Variants in DGKD observed in about 807,000 individuals in gnomAD.
DGKD encodes the protein DAG kinase delta.
Under a neutral mutation model 154.4 loss-of-function variants are expected in DGKD, and 68 were observed. The ratio of observed to expected loss-of-function variants is 0.44; its 90% CI spans 0.36 to 0.54. The LOEUF (loss-of-function observed/expected upper bound fraction) is 0.54. Among genes scored for constraint, DGKD ranks in the 20% least tolerant of loss-of-function variants. The probability of loss-of-function intolerance (pLI) is 0.00; values close to 1 mark genes in which losing one functional copy is unlikely to be tolerated. For missense variants in DGKD, 1,343 were observed against 1,593.6 expected (o/e 0.84, Z 2.68); for synonymous variants, 693 against 638.0 (o/e 1.09, Z -1.30).
chr2:233,423,274 A>G (rs572228058), intron 3 of DGKD, among the ~76,000 whole-genome samples: 1 of 152,310 alleles, frequency 6.6e-6, no homozygotes, highest in South Asian at 2.1e-4. Flanking sequence ...TAAATGCTGA[A>G]GAGTGTAATT....
chr2:233,468,092 C>T (rs944254951), intron 28 of DGKD, among the ~76,000 whole-genome samples: 2 of 152,160 alleles, frequency 1.3e-5, no homozygotes, highest in South Asian at 4.2e-4. Context: ...GATGCCAGCT[C>T]TGCTGCAGCC....
At chr2:233,466,793 T>C (rs941817693) in intron 27 of DGKD, among the ~76,000 whole-genome samples, 10 of 152,242 alleles carry the variant, frequency 6.6e-5, no homozygotes, top group African/African-American at 2.2e-4. Context: ...CTGATATTTA[T>C]GATATTTTCA....
intron 3 of DGKD, among the ~76,000 whole-genome samples, chr2:233,428,528 G>T (rs1034113451): frequency 6.6e-6 from 1 of 152,202 alleles, no homozygotes; most frequent in Non-Finnish European, 1.5e-5. Flanking sequence ...ACATTATCAG[G>T]TTGCACCAAC....
chr2:233,451,220 T>TA (rs1342212890), intron 17 of DGKD, among the ~76,000 whole-genome samples, 170 bp downstream of exon 17: 7 of 146,256 alleles, frequency 4.8e-5, no homozygotes, highest in African/African-American at 1.9e-4. Flanking sequence ...TTTTTTTTTT[T>TA]AAAAACAAAA....
At chr2:233,398,128 T>C (rs999238757) in intron 3 of DGKD, among the ~76,000 whole-genome samples, 3 of 126,816 alleles carry the variant, frequency 2.4e-5, no homozygotes, top group African/African-American at 6.1e-5. Flanking sequence ...TCCTGGCTTA[T>C]TCTTGTTTGA....
At position 233,446,652 on chromosome 2, in the gene DGKD, G is replaced by A; in HGVS notation, c.1335-60G>A. ...GCCAGCCGTGAAAGCGGACGGCGCA[G>A]GGTTCACCCTTGTGGGCCTGCACGT... On this transcript the variant is annotated intron_variant, in intron 11 of 29. Transcript: ENST00000264057. The A allele has an allele frequency of 2.5e-6, 4 of 1,568,928 alleles. No homozygotes were observed. In the African/African-American group the frequency reaches 5.4e-5, roughly 21 times the overall value.
At chr2:233,412,239 G>A (rs879760877) in intron 3 of DGKD, among the ~76,000 whole-genome samples, 5 of 152,146 alleles carry the variant, frequency 3.3e-5, no homozygotes, top group Admixed American at 2.0e-4. Flanking sequence ...ATGATGTTGA[G>A]TTTTCCAGTA....
rs535245656 is a variant in DGKD, at chr2:233,421,902, A to G, written c.349-12478A>G. Among the ~76,000 whole-genome samples, 5 of 152,366 alleles carry G rather than the reference A, an allele frequency of 3.3e-5. No homozygotes were observed. In the South Asian group the frequency reaches 8.3e-4, roughly 25 times the overall value. On this transcript the variant is annotated intron_variant, in intron 3 of 29. Transcript: ENST00000264057. ...GCCTGAATTTATTTCTGAGGAAGAA[A>G]GAAAGAATTTGGAGCCCAATGATGA...
At chr2:233,403,810 T>C in intron 3 of DGKD, among the ~76,000 whole-genome samples, 1 of 151,926 alleles carries the variant, frequency 6.6e-6, no homozygotes. Flanking sequence ...CAGCTAATTT[T>C]TTTGTATTTT....
Position 233,398,173 on chromosome 2 carries a change from C to T in DGKD, c.348+7690C>T, listed in dbSNP as rs13406449. Among the ~76,000 whole-genome samples the T allele has an allele frequency of 4.7e-3, 672 of 142,714 alleles. 4 individuals carry two copies. Among genetic ancestry groups the T allele is most frequent in the African/African-American group, 0.016 (628 of 38,216 alleles). 93.6% of individuals were successfully genotyped at this position (142,714 alleles called of 152,430 possible). ...TTTTTTTTTTTTTGAGATGGAGTCTCGCTCTGTTGCCCAGGCTGGAGTGCA... is the reference window on the plus strand; with the variant it reads ...TTTTTTTTTTTTTGAGATGGAGTCTTGCTCTGTTGCCCAGGCTGGAGTGCA... On this transcript the variant is annotated intron_variant, in intron 3 of 29. Transcript: ENST00000264057.
chr2:233,375,508 A>C (rs1466954255), intron 1 of DGKD, among the ~76,000 whole-genome samples: 1 of 152,130 alleles, frequency 6.6e-6, no homozygotes, highest in Non-Finnish European at 1.5e-5. Context: ...GGTTGAGCAC[A>C]TGCCAGGGGA....
At chr2:233,439,699 C>T (rs1490455940) in intron 9 of DGKD, among the ~76,000 whole-genome samples, 1 of 152,052 alleles carries the variant, frequency 6.6e-6, no homozygotes, top group East Asian at 1.9e-4. Flanking sequence ...GTAGCTGGGA[C>T]TACAGGTGTG....
At position 233,468,548 on chromosome 2, in the gene DGKD, C is replaced by T. The variant is rs761418197; in HGVS notation, c.3550C>T (p.Leu1184Phe). 1 of 1,613,632 alleles carries T rather than the reference C, an allele frequency of 6.2e-7. No homozygotes were observed. The highest frequency in any genetic ancestry group is 1.1e-5 in the South Asian group (1 of 91,052). Residue 1184 changes from leucine to phenylalanine, a missense_variant, in exon 29 of 30, where the codon CTC becomes TTC. Transcript: ENST00000264057. ...GCTCCTGCACCTGGAGCGGAGGGAC[C>T]TCAAGGTACTTCCATAGGCGTCTCC... ...SELLHLERRD[L>F]KDLGVTKVGH...
Position 233,459,540 on chromosome 2 carries a change from G to A in DGKD, c.2695-217G>A, listed in dbSNP as rs1003856030. 1.3e-5 allele frequency among the ~76,000 whole-genome samples: 2 copies of A among 151,940 alleles called. No homozygotes were observed. Among genetic ancestry groups the A allele is most frequent in the South Asian group, 4.2e-4 (2 of 4,814 alleles). ...TGACTGCTCAGTGAGGGGATGGGGC[G>A]GGATGGGGCGGGACAGTGGGAGAAC... On this transcript the variant is annotated intron_variant, in intron 22 of 29. Transcript: ENST00000264057. The surrounding 1 kb of genome is among the most constrained non-coding windows in gnomAD (Gnocchi z 5.7).
intron 17 of DGKD, 34 bp from the exon 18 acceptor site, chr2:233,451,930 C>T: frequency 1.3e-6 from 2 of 1,597,338 alleles, no homozygotes; most frequent in Non-Finnish European, 1.7e-6. Context: ...TAGCTCCTGA[C>T]CAGCACCACC....
At chr2:233,401,973 C>T (rs2061571343) in intron 3 of DGKD, among the ~76,000 whole-genome samples, 1 of 148,012 alleles carries the variant, frequency 6.8e-6, no homozygotes, top group Admixed American at 6.8e-5. Flanking sequence ...CATCGAGGGG[C>T]CCCTCGTTTC....
At chr2:233,408,339 A>C (rs2061737655) in intron 3 of DGKD, among the ~76,000 whole-genome samples, 1 of 152,210 alleles carries the variant, frequency 6.6e-6, no homozygotes, top group Admixed American at 6.5e-5. Context: ...CATCCAGAGA[A>C]ACTGTATATA....
chr2:233,374,163 G>A (rs1311007231), intron 1 of DGKD, among the ~76,000 whole-genome samples: 2 of 151,698 alleles, frequency 1.3e-5, no homozygotes, highest in African/African-American at 4.8e-5. Context: ...TGATTCTCCT[G>A]CCTCAGCCTC....
At position 233,449,193 on chromosome 2, in the gene DGKD, A is replaced by T; in HGVS notation, c.1705A>T (p.Thr569Ser). Residue 569 changes from threonine to serine, a missense_variant, in exon 15 of 30, where the codon ACC (threonine) becomes TCC (serine). By Grantham distance (58) the Thr-to-Ser change is moderately conservative. Transcript: ENST00000264057. This position sits in a 1 kb window ranked among gnomAD's most constrained non-coding sequence, Gnocchi z 5.3. The part of the protein sequence containing the change: ...ASSSLPNPPP[T>S]IAEEAEDGDG... The stretch of plus-strand genomic sequence containing the variant: ...GTCCTCTCTGCCCAACCCGCCCCCC[A>T]CCATTGCCGAGGAGGCTGAAGATGG... 6.2e-7 allele frequency: 1 copy of T among 1,613,402 alleles called. No homozygotes were observed. The highest frequency in any genetic ancestry group is 8.5e-7 in the Non-Finnish European group (1 of 1,179,864).
Sources: gnomAD v4.1 joint callset for allele counts (sites outside exome capture counted in the v4.1 genomes callset) on GRCh38, gnomAD v4.1.1 for gene constraint, Gnocchi (gnomAD v3.1) non-coding constraint, MANE v1.5 for transcripts, NCBI Gene and HGNC (gene_info 2026-07-23, HGNC 2026-07-21) for gene names.